The following PPA2 variants were observed in gnomAD, a reference collection of about 807,000 sequenced individuals.
PPA2 encodes inorganic pyrophosphatase 2, mitochondrial.
A neutral mutation model predicts 49.5 loss-of-function variants in PPA2; 48 were observed. The ratio of observed to expected loss-of-function variants is 0.97; its 90% CI spans 0.77 to 1.23. PPA2 has a LOEUF of 1.23. Ranked by LOEUF, PPA2 falls within the 50% of genes most tolerant of loss-of-function variation. The pLI is 0.00. For missense variants in PPA2, 429 were observed against 410.1 expected (o/e 1.05, Z -0.40); for synonymous variants, 131 against 139.9 (o/e 0.94, Z 0.45).
At chr4:105,398,803 G>C (rs532688609) in intron 8 of PPA2, 95 of 321,774 alleles carry the variant, frequency 3.0e-4, no homozygotes, top group African/African-American at 1.7e-3. Flanking sequence ...TTTCCAAGAC[G>C]TAGGAGCTAT....
intron 6 of PPA2, among the ~76,000 whole-genome samples, chr4:105,424,852 C>T (rs1723421244): frequency 6.6e-6 from 1 of 152,152 alleles, no homozygotes; most frequent in African/African-American, 2.4e-5. Flanking sequence ...CATAGGGGTT[C>T]CTTTGAGACA....
chr4:105,408,660 T>A (rs891558051), intron 7 of PPA2, among the ~76,000 whole-genome samples: 3 of 152,198 alleles, frequency 2.0e-5, no homozygotes, highest in African/African-American at 4.8e-5. Context: ...TTAGAATGTA[T>A]ATATGACTAA....
intron 6 of PPA2, among the ~76,000 whole-genome samples, chr4:105,432,734 C>T (rs1375828278): frequency 6.6e-6 from 1 of 152,098 alleles, no homozygotes; most frequent in East Asian, 1.9e-4. Context: ...TATTTTTTAG[C>T]TCATCAGTTA....
At chr4:105,469,210 C>T (rs1389463962) in intron 1 of PPA2, among the ~76,000 whole-genome samples, 2 of 152,106 alleles carry the variant, frequency 1.3e-5, no homozygotes, top group Non-Finnish European at 2.9e-5. Context: ...ATTTCACTGT[C>T]GTCAAAAATC....
chr4:105,405,916 G>C (rs761563856), intron 7 of PPA2: 2 of 449,806 alleles, frequency 4.4e-6, no homozygotes, highest in African/African-American at 2.0e-5. Flanking sequence ...ATGACTATGC[G>C]ATTTATTGTA....
chr4:105,472,950 C>T (rs944425070), intron 1 of PPA2, among the ~76,000 whole-genome samples: 1 of 152,164 alleles, frequency 6.6e-6, no homozygotes, highest in Non-Finnish European at 1.5e-5. Context: ...GCAACTTAAA[C>T]TCGTCCGGGG....
chr4:105,470,377 C>T (rs899965309), intron 1 of PPA2, among the ~76,000 whole-genome samples: 1 of 152,060 alleles, frequency 6.6e-6, no homozygotes, highest in Non-Finnish European at 1.5e-5. Context: ...TCCCAGCTAC[C>T]CAGGAGACAG....
At chr4:105,430,591 A>G (rs1356408755) in intron 6 of PPA2, among the ~76,000 whole-genome samples, 1 of 152,216 alleles carries the variant, frequency 6.6e-6, no homozygotes, top group African/African-American at 2.4e-5. Context: ...TGCCTTCTTC[A>G]TTTCCAATGC....
chr4:105,396,516 T>C (rs1194809329), intron 8 of PPA2, among the ~76,000 whole-genome samples, 182 bp from the exon 9 acceptor site: 2 of 152,182 alleles, frequency 1.3e-5, no homozygotes, highest in African/African-American at 4.8e-5. Flanking sequence ...GCAGGTTACT[T>C]AAGCTTGCTA....
rs1733001899 is a variant in PPA2, at chr4:105,370,984, T to C, written c.940-111A>G. 4 of 1,014,978 alleles carry C rather than the reference T, an allele frequency of 3.9e-6. No homozygotes were observed. The South Asian group carries it at 8.4e-5, about 21-fold the overall frequency. 62.9% of individuals were successfully genotyped at this position (1,014,978 alleles called of 1,614,324 possible). ...TAGAAGAAAGTTTACACACAATGGA[T>C]CTCTAACCTGAAAAAGGTAAATATT... is the stretch of plus-strand genomic sequence containing the variant. On this transcript the variant is annotated intron_variant, in intron 10 of 11. Coordinates refer to ENST00000341695, the MANE Select transcript of PPA2 (RefSeq NM_176869.3).
chr4:105,369,813 T>G (rs2110354778), intron 11 of PPA2, 60 bp from the exon 12 acceptor site: 1 of 1,440,366 alleles, frequency 6.9e-7, no homozygotes, highest in East Asian at 2.3e-5. Context: ...GAGAAGGGAG[T>G]GATTAATCAA....
At chr4:105,369,839 T>G (rs1390581930) in intron 11 of PPA2, 86 bp from the exon 12 acceptor site, 14 of 1,265,596 alleles carry the variant, frequency 1.1e-5, no homozygotes, top group Non-Finnish European at 1.5e-5. Flanking sequence ...ATTTCGACTT[T>G]TAGGAAGTAT....
chr4:105,421,256 A>G (rs1449325484), intron 7 of PPA2, among the ~76,000 whole-genome samples: 3 of 152,242 alleles, frequency 2.0e-5, no homozygotes, highest in Admixed American at 6.5e-5. Flanking sequence ...TTGAGTCAAC[A>G]GGGAAAATGC....
At chr4:105,467,192 G>A (rs770916560) in intron 1 of PPA2, among the ~76,000 whole-genome samples, 1 of 152,226 alleles carries the variant, frequency 6.6e-6, no homozygotes, top group Non-Finnish European at 1.5e-5. Context: ...GCTACCTACT[G>A]TAACAGAAGG....
At chr4:105,459,837 A>G (rs192621022) in intron 1 of PPA2, among the ~76,000 whole-genome samples, 114 of 152,334 alleles carry the variant, frequency 7.5e-4, no homozygotes, top group Non-Finnish European at 5.7e-4. Context: ...TTTACATAAC[A>G]TACTGGAAAA....
chr4:105,429,515 A>G (rs1578852991), intron 6 of PPA2, among the ~76,000 whole-genome samples: 2 of 152,270 alleles, frequency 1.3e-5, no homozygotes, highest in East Asian at 1.9e-4. Context: ...TAATTAACAA[A>G]TCAAAATCTC....
At chr4:105,396,227 C>A in intron 9 of PPA2, 22 bp downstream of exon 9, 1 of 1,446,730 alleles carries the variant, frequency 6.9e-7, no homozygotes, top group Non-Finnish European at 9.5e-7. Context: ...ACATTACTTA[C>A]ATAGAAAAGA....
At position 105,454,147 on chromosome 4, in the gene PPA2, C is replaced by T. The variant is rs138083479; in HGVS notation, c.223-505G>A. On this transcript the variant is annotated intron_variant, in intron 2 of 11. Coordinates refer to ENST00000341695, the MANE Select transcript of PPA2 (RefSeq NM_176869.3). Reference sequence around the variant, plus strand: ...AGCACTTTTAAATTAAAACTGACTTCGTGGTGGGTTGGGAAGAAAAATTAT... The same window carrying T: ...AGCACTTTTAAATTAAAACTGACTTTGTGGTGGGTTGGGAAGAAAAATTAT... 1.0e-3 allele frequency among the ~76,000 whole-genome samples: 153 copies of T among 152,242 alleles called. No homozygotes were observed. The East Asian group carries it at 0.017, about 17-fold the overall frequency.
rs557141679 is a variant in PPA2 at position 105,425,167 on chromosome 4, C to T, written c.529-845G>A. ...TTAAAGGAAGACAACAACATCCAGG[C>T]ACTCGACATAACACAACATCCAAGA... On this transcript the variant is annotated intron_variant, in intron 6 of 11. Coordinates refer to ENST00000341695, the MANE Select transcript of PPA2 (RefSeq NM_176869.3). 1.3e-4 allele frequency among the ~76,000 whole-genome samples: 20 copies of T among 152,264 alleles called. No homozygotes were observed. In the South Asian group the frequency reaches 3.9e-3, roughly 30 times the overall value.
Sources: gnomAD v4.1 joint callset for allele counts (sites outside exome capture counted in the v4.1 genomes callset) on GRCh38, gnomAD v4.1.1 for gene constraint, MANE v1.5 for transcripts, NCBI Gene and HGNC (gene_info 2026-07-23, HGNC 2026-07-21) for gene names.